The following PDE4D variants were observed in gnomAD, a reference collection of about 807,000 sequenced individuals.
PDE4D encodes 3',5'-cyclic-AMP phosphodiesterase 4D.
In PDE4D, 24 loss-of-function variants were observed where a neutral mutation model predicts 87.4. That is an observed-to-expected ratio of 0.27 (90% CI 0.20 to 0.39). The LOEUF is 0.39. Ranked by LOEUF, PDE4D falls within the 10% of genes least tolerant of loss-of-function variation. The pLI is 1.00. For synonymous variants in PDE4D, 384 were observed against 383.2 expected (o/e 1.00, Z -0.02); for missense variants, 714 against 1,041.0 (o/e 0.69, Z 4.32).
At chr5:59,029,950 T>C (rs1241985659) in intron 6 of PDE4D, among the ~76,000 whole-genome samples, 2 of 152,116 alleles carry the variant, frequency 1.3e-5, no homozygotes, top group Non-Finnish European at 2.9e-5. Context: ...GACAGTCTCT[T>C]CAAATAGTGT....
chr5:59,614,333 T>C (rs1209747580), intron 1 of PDE4D, among the ~76,000 whole-genome samples: 4 of 152,230 alleles, frequency 2.6e-5, no homozygotes, highest in African/African-American at 9.6e-5. Context: ...CTGAATTTTA[T>C]GCCAATGATA....
intron 1 of PDE4D, among the ~76,000 whole-genome samples, chr5:59,247,128 T>A (rs1259731110): frequency 6.6e-6 from 1 of 152,298 alleles, no homozygotes; most frequent in East Asian, 1.9e-4. Flanking sequence ...GGAACCACAG[T>A]CTAATTGAAA....
chr5:59,990,293 G>T (rs2152831787), intron 2 of PDE4D, among the ~76,000 whole-genome samples: 1 of 152,278 alleles, frequency 6.6e-6, no homozygotes, highest in Middle Eastern at 3.4e-3. Flanking sequence ...CTGGCAAAGA[G>T]TTTGCACTCA....
At chr5:60,471,148 T>C (rs1319701697) in intron 1 of PDE4D, among the ~76,000 whole-genome samples, 1 of 152,114 alleles carries the variant, frequency 6.6e-6, no homozygotes, top group Non-Finnish European at 1.5e-5. Context: ...CCACTTCTCA[T>C]GGATGGCTTT....
At chr5:59,924,447 C>T (rs1313074710) in intron 3 of PDE4D, among the ~76,000 whole-genome samples, 3 of 151,314 alleles carry the variant, frequency 2.0e-5, no homozygotes, top group African/African-American at 7.3e-5. Context: ...ATCAAACTCC[C>T]AAAGGTCAAA....
At chr5:59,103,689 T>A (rs888327034) in intron 5 of PDE4D, among the ~76,000 whole-genome samples, 1 of 152,162 alleles carries the variant, frequency 6.6e-6, no homozygotes, top group African/African-American at 2.4e-5. Flanking sequence ...TTGAGACGAG[T>A]TTGAAGACCT....
In PDE4D at chr5:59,644,602, C is replaced by T. The variant is rs148761334; in HGVS notation, c.455+248566G>A. On this transcript the variant is annotated intron_variant, in intron 1 of 14. Transcript: ENST00000340635. The stretch of plus-strand genomic sequence containing the variant: ...TGAGAATTTAACCCACTTGTTTACA[C>T]TGGAACTTAGTTCATAGGTTCTCAT... Among the ~76,000 whole-genome samples, 7 of 152,316 alleles carry T rather than the reference C, an allele frequency of 4.6e-5. 1 individual carries two copies. Among genetic ancestry groups the T allele is most frequent in the African/African-American group, 1.4e-4 (6 of 41,572 alleles).
At chr5:59,312,308 A>G (rs1772845798) in intron 1 of PDE4D, among the ~76,000 whole-genome samples, 1 of 152,226 alleles carries the variant, frequency 6.6e-6, no homozygotes, top group South Asian at 2.1e-4. Context: ...CCCTTTTACA[A>G]GAGGAAAGAC....
intron 1 of PDE4D, among the ~76,000 whole-genome samples, chr5:59,390,117 T>A (rs1787941947): frequency 6.6e-6 from 1 of 152,084 alleles, no homozygotes; most frequent in South Asian, 2.1e-4. Flanking sequence ...TAAATATGTA[T>A]AATTATTATG....
intron 1 of PDE4D, among the ~76,000 whole-genome samples, chr5:60,370,963 T>C (rs1760977826): frequency 6.6e-6 from 1 of 152,192 alleles, no homozygotes; most frequent in South Asian, 2.1e-4. Flanking sequence ...ATCAACCTGC[T>C]GCATTTCTCT....
intron 1 of PDE4D, among the ~76,000 whole-genome samples, chr5:60,434,692 T>C (rs1202154151): frequency 6.6e-6 from 1 of 152,162 alleles, no homozygotes; most frequent in Non-Finnish European, 1.5e-5. Context: ...TTGTAGAATC[T>C]GAATCCATTC....
chr5:59,690,058 AAAT>A (rs1173272754), intron 1 of PDE4D, among the ~76,000 whole-genome samples: 76 of 152,300 alleles, frequency 5.0e-4, no homozygotes, highest in African/African-American at 1.4e-3. Flanking sequence ...CTGCTCAATG[AAAT>A]AAAAGAGGAC....
intron 1 of PDE4D, among the ~76,000 whole-genome samples, chr5:60,313,615 G>A (rs1039868310): frequency 8.5e-5 from 13 of 152,080 alleles, no homozygotes; most frequent in African/African-American, 2.9e-4. Context: ...ACCAAAACCT[G>A]GAAGAAACAG....
intron 2 of PDE4D, among the ~76,000 whole-genome samples, chr5:60,081,978 C>T (rs533280792): frequency 6.6e-6 from 1 of 152,198 alleles, no homozygotes; most frequent in African/African-American, 2.4e-5. Context: ...CTTTTTCTTC[C>T]TTCTTCTTAC....
At chr5:59,039,446 C>T (rs1759220947) in intron 5 of PDE4D, 1 of 992,884 alleles carries the variant, frequency 1.0e-6, no homozygotes, top group African/African-American at 1.7e-5. Context: ...GCCCGCCCCG[C>T]CTGCCGAGCC....
Position 59,026,838 on chromosome 5 carries a change from T to G in PDE4D, c.921+12021A>C, listed in dbSNP as rs534496190. Among the ~76,000 whole-genome samples the G allele has an allele frequency of 3.5e-3, 531 of 152,328 alleles. 2 individuals carry two copies. The highest frequency in any genetic ancestry group is 0.01 in the Middle Eastern group (3 of 294). On this transcript the variant is annotated intron_variant, in intron 6 of 14. Coordinates refer to ENST00000340635, the MANE Select transcript of PDE4D (RefSeq NM_001104631.2). ...AACAGATCTAGATTTACAGAAAACT[T>G]GTGTAGACATTACAGATAATTCCTA...
chr5:59,667,884 C>G (rs1388767818), intron 1 of PDE4D, among the ~76,000 whole-genome samples: 2 of 152,218 alleles, frequency 1.3e-5, no homozygotes, highest in African/African-American at 4.8e-5. Flanking sequence ...CCTGCTAATT[C>G]TCTTCATCCT....
At chr5:59,732,281 C>G (rs1004127056) in intron 1 of PDE4D, among the ~76,000 whole-genome samples, 1 of 151,896 alleles carries the variant, frequency 6.6e-6, no homozygotes, top group Non-Finnish European at 1.5e-5. Flanking sequence ...GCAAGCTAAC[C>G]TGTCCTTCTC....
chr5:59,433,674 G>C (rs1355038762), intron 1 of PDE4D, among the ~76,000 whole-genome samples: 1 of 151,918 alleles, frequency 6.6e-6, no homozygotes, highest in African/African-American at 2.4e-5. Context: ...TCTATGTTTT[G>C]TTTGTTTTTG....
Sources: gnomAD v4.1 joint callset for allele counts (sites outside exome capture counted in the v4.1 genomes callset) on GRCh38, gnomAD v4.1.1 for gene constraint, MANE v1.5 for transcripts, NCBI Gene and HGNC (gene_info 2026-07-23, HGNC 2026-07-21) for gene names.